The following ARHGAP42 variants were observed in gnomAD, a reference collection of about 807,000 sequenced individuals.
ARHGAP42 encodes rho GTPase-activating protein 42.
Under a neutral mutation model 125.0 loss-of-function variants are expected in ARHGAP42, and 63 were observed. That is an observed-to-expected ratio of 0.50 (90% CI 0.41 to 0.62). ARHGAP42 has a LOEUF of 0.62. Ranked by LOEUF, ARHGAP42 falls within the 20% of genes least tolerant of loss-of-function variation. The pLI, the probability that ARHGAP42 is intolerant of heterozygous loss-of-function variation, is 0.00. For missense variants in ARHGAP42, 766 were observed against 1,024.2 expected (o/e 0.75, Z 3.44); for synonymous variants, 339 against 351.0 (o/e 0.97, Z 0.38).
chr11:100,791,381 G>A (rs1277427407), intron 2 of ARHGAP42, among the ~76,000 whole-genome samples: 4 of 152,136 alleles, frequency 2.6e-5, no homozygotes, highest in Non-Finnish European at 5.9e-5. Context: ...GTAAATTCCT[G>A]TTTAAGAAAG....
rs1591115687 is a variant in ARHGAP42, at chr11:100,702,170, T to A, written c.154+14338T>A. Among the ~76,000 whole-genome samples, 3 of 152,050 alleles carry A rather than the reference T, an allele frequency of 2.0e-5. 1 individual carries two copies. The South Asian group carries it at 6.2e-4, about 32-fold the overall frequency. On this transcript the variant is annotated intron_variant, in intron 1 of 23. Transcript: ENST00000298815. ...AAAAATAAAAATAAAGTGAGAGACA[T>A]GCAAATCTTCCTTTCATTTGAACAC... is the stretch of plus-strand genomic sequence containing the variant.
At chr11:100,796,228 C>G (rs531264035) in intron 3 of ARHGAP42, among the ~76,000 whole-genome samples, 7 of 151,976 alleles carry the variant, frequency 4.6e-5, no homozygotes, top group Non-Finnish European at 8.8e-5. Context: ...ACCTGTGATG[C>G]GTGAATGTTA....
In ARHGAP42 at chr11:100,702,986, C is replaced by G. The variant is rs189220925; in HGVS notation, c.154+15154C>G. On this transcript the variant is annotated intron_variant, in intron 1 of 23. Coordinates refer to ENST00000298815, the MANE Select transcript of ARHGAP42 (RefSeq NM_152432.4). ...GCCTGGATATTTGTGTTCTAATTAG[C>G]TCTTACCATATAGTGGATGCTCAGT... is the stretch of plus-strand genomic sequence containing the variant. Among the ~76,000 whole-genome samples, 1,124 of 152,228 alleles carry G rather than the reference C, an allele frequency of 7.4e-3. 12 individuals carry two copies. The highest frequency in any genetic ancestry group is 0.025 in the African/African-American group (1,054 of 41,528).
chr11:100,918,301 A>G (rs1254310793), intron 5 of ARHGAP42, among the ~76,000 whole-genome samples: 1 of 152,194 alleles, frequency 6.6e-6, no homozygotes, highest in Non-Finnish European at 1.5e-5. Context: ...TCAAGCTTAA[A>G]TCTTTTCTCC....
chr11:100,946,293 TCCC>T (rs1868014575), intron 10 of ARHGAP42, among the ~76,000 whole-genome samples: 1 of 152,094 alleles, frequency 6.6e-6, no homozygotes, highest in African/African-American at 2.4e-5. Flanking sequence ...ACTAGAACTT[TCCC>T]CATGTCAGTA....
At chr11:100,930,065 G>A (rs11224519) in intron 6 of ARHGAP42, among the ~76,000 whole-genome samples, 14,030 of 152,222 alleles carry the variant, frequency 0.092, 918 homozygotes, top group Non-Finnish European at 0.13. Flanking sequence ...GATTTCGTCA[G>A]TGATAAAAGG....
At chr11:100,882,298 A>G (rs1295487659) in intron 4 of ARHGAP42, among the ~76,000 whole-genome samples, 1 of 152,158 alleles carries the variant, frequency 6.6e-6, no homozygotes, top group African/African-American at 2.4e-5. Flanking sequence ...AGTTTTAATC[A>G]TAAAGGGGTG....
rs570381451 is a variant in ARHGAP42, at chr11:100,834,822, G to A, written c.313-24732G>A. On this transcript the variant is annotated intron_variant, in intron 3 of 23. Coordinates refer to ENST00000298815, the MANE Select transcript of ARHGAP42 (RefSeq NM_152432.4). ...CCATTATGGGGCCCCCTTCTGCTTT[G>A]GACAGGGAACTTCTGAGTCCTTTTT... is the stretch of plus-strand genomic sequence containing the variant. 2.0e-5 allele frequency among the ~76,000 whole-genome samples: 3 copies of A among 150,424 alleles called. No individual in the cohort carries two copies. The South Asian group carries it at 6.4e-4, about 32-fold the overall frequency.
chr11:100,875,064 T>G (rs1865779088), intron 4 of ARHGAP42, among the ~76,000 whole-genome samples: 1 of 149,884 alleles, frequency 6.7e-6, no homozygotes, highest in Non-Finnish European at 1.5e-5. Flanking sequence ...TGACTAAATC[T>G]AATCCACTGT....
chr11:100,844,669 A>G (rs1865020563), intron 3 of ARHGAP42, among the ~76,000 whole-genome samples: 1 of 149,226 alleles, frequency 6.7e-6, no homozygotes, highest in Admixed American at 6.6e-5. Context: ...GAGATAGACA[A>G]GTGGCTAAGA....
intron 4 of ARHGAP42, among the ~76,000 whole-genome samples, chr11:100,887,425 C>G (rs779902570): frequency 6.6e-6 from 1 of 152,192 alleles, no homozygotes; most frequent in African/African-American, 2.4e-5. Flanking sequence ...ATTTGCAGAT[C>G]CCTCTCATAA....
intron 3 of ARHGAP42, among the ~76,000 whole-genome samples, chr11:100,809,142 G>C (rs1864078091): frequency 6.6e-6 from 1 of 152,144 alleles, no homozygotes; most frequent in Non-Finnish European, 1.5e-5. Flanking sequence ...GCCTCATTCT[G>C]TTAGCTGGCT....
chr11:100,861,840 AT>A (rs1352262090), intron 4 of ARHGAP42, among the ~76,000 whole-genome samples: 1 of 152,182 alleles, frequency 6.6e-6, no homozygotes, highest in Non-Finnish European at 1.5e-5. Context: ...AGAAACAAAC[AT>A]TTGGGAATTC....
intron 1 of ARHGAP42, among the ~76,000 whole-genome samples, chr11:100,741,342 ATTC>A (rs200431046): frequency 0.026 from 3,957 of 152,264 alleles, 66 homozygotes; most frequent in Non-Finnish European, 0.031. Context: ...AAGAAATCTT[ATTC>A]TTATAGTTAG....
intron 3 of ARHGAP42, among the ~76,000 whole-genome samples, chr11:100,805,970 C>T (rs1863978118): frequency 6.6e-6 from 1 of 152,302 alleles, no homozygotes; most frequent in Middle Eastern, 3.4e-3. Flanking sequence ...CTTCACTCCT[C>T]ATCCTGTGAC....
chr11:100,906,831 A>G (rs1315194935), intron 4 of ARHGAP42, among the ~76,000 whole-genome samples: 1 of 152,184 alleles, frequency 6.6e-6, no homozygotes, highest in African/African-American at 2.4e-5. Flanking sequence ...AGATCCATCA[A>G]CACTTATTAT....
intron 5 of ARHGAP42, among the ~76,000 whole-genome samples, chr11:100,920,423 C>T (rs1258914393): frequency 6.6e-6 from 1 of 150,696 alleles, no homozygotes; most frequent in African/African-American, 2.4e-5. Context: ...CCAATAAAAT[C>T]TTTTTTTTTC....
chr11:100,752,590 G>C (rs1375916004), intron 1 of ARHGAP42, among the ~76,000 whole-genome samples: 4 of 152,216 alleles, frequency 2.6e-5, no homozygotes, highest in Non-Finnish European at 1.5e-5. Flanking sequence ...CCGTAATTCA[G>C]GCTGGTGCTG....
chr11:100,932,001 C>A (rs1867594289), intron 6 of ARHGAP42, among the ~76,000 whole-genome samples: 3 of 152,074 alleles, frequency 2.0e-5, no homozygotes. Context: ...ACTGTTTGAA[C>A]AAGAGAAGAA....
Sources: allele counts gnomAD v4.1 joint callset (sites outside exome capture counted in the v4.1 genomes callset), GRCh38; gene constraint gnomAD v4.1.1; transcripts MANE v1.5; gene names NCBI Gene and HGNC (gene_info 2026-07-23, HGNC 2026-07-21).